The following FOXO3 variants were observed in gnomAD, a reference collection of about 807,000 sequenced individuals.
The protein encoded by FOXO3 is forkhead box O3.
In FOXO3, 4 loss-of-function variants were observed where a neutral mutation model predicts 41.9. The observed-to-expected ratio is 0.10, with a 90% CI of 0.05 to 0.22. The LOEUF (loss-of-function observed/expected upper bound fraction) is 0.22, where lower values mean the gene tolerates loss of function less well. FOXO3 is among the 10% of genes least tolerant of loss of function. The probability of loss-of-function intolerance (pLI) is 1.00; values close to 1 mark genes in which losing one functional copy is unlikely to be tolerated. For missense variants in FOXO3, 534 were observed against 906.8 expected (o/e 0.59, Z 5.28); for synonymous variants, 318 against 389.3 (o/e 0.82, Z 2.16).
chr6:108,560,577 G>C (rs1582719136), upstream of FOXO3, among the ~76,000 whole-genome samples: 1 of 152,280 alleles, frequency 6.6e-6, no homozygotes, highest in Non-Finnish European at 1.5e-5. Context: ...GGGGGGTGAC[G>C]GGGGGTCGCG....
At chr6:108,626,805 G>A (rs994150576) in intron 1 of FOXO3, among the ~76,000 whole-genome samples, 108 of 152,208 alleles carry the variant, frequency 7.1e-4, no homozygotes, top group Admixed American at 7.1e-3. Flanking sequence ...CCATTAACCA[G>A]ATACTTAAAA....
chr6:108,638,274 C>G (rs1778170386), intron 1 of FOXO3, among the ~76,000 whole-genome samples: 1 of 152,164 alleles, frequency 6.6e-6, no homozygotes, highest in Non-Finnish European at 1.5e-5. Context: ...CCTTGTGTCC[C>G]CCTTTAACCA....
intron 1 of FOXO3, among the ~76,000 whole-genome samples, chr6:108,596,349 C>A (rs1490079313): frequency 6.9e-6 from 1 of 145,346 alleles, no homozygotes; most frequent in Non-Finnish European, 1.5e-5. Context: ...CCCACTAAGT[C>A]CCATCCATGG....
chr6:108,625,249 G>A (rs188525052), intron 1 of FOXO3, among the ~76,000 whole-genome samples: 20 of 152,258 alleles, frequency 1.3e-4, no homozygotes, highest in African/African-American at 4.6e-4. Flanking sequence ...CTTAATAATT[G>A]TTATGTAGTT....
intron 2 of FOXO3, 121 bp downstream of exon 2, chr6:108,665,010 G>A: frequency 9.1e-7 from 1 of 1,097,288 alleles, no homozygotes; most frequent in Non-Finnish European, 1.3e-6. Context: ...GAGCAGTGGT[G>A]CACATAATAT....
intron 1 of FOXO3, among the ~76,000 whole-genome samples, chr6:108,614,663 A>G (rs1007121579): frequency 3.3e-5 from 5 of 150,718 alleles, no homozygotes; most frequent in Non-Finnish European, 5.9e-5. Flanking sequence ...TTTTAATCCA[A>G]TCTGACAATC....
At chr6:108,653,257 A>C (rs1351596589) in intron 1 of FOXO3, among the ~76,000 whole-genome samples, 2 of 152,136 alleles carry the variant, frequency 1.3e-5, no homozygotes, top group African/African-American at 2.4e-5. Flanking sequence ...CCCCCTTCCC[A>C]TTAATTCAAT....
chr6:108,624,789 A>C (rs1777764133), intron 1 of FOXO3, among the ~76,000 whole-genome samples: 1 of 151,942 alleles, frequency 6.6e-6, no homozygotes, highest in Admixed American at 6.6e-5. Context: ...TTTTTTTTGC[A>C]GTTGTTTAAC....
At chr6:108,644,638 T>C (rs997661392) in intron 1 of FOXO3, among the ~76,000 whole-genome samples, 1 of 152,144 alleles carries the variant, frequency 6.6e-6, no homozygotes, top group Admixed American at 6.6e-5. Flanking sequence ...ATGACTCCCA[T>C]GAGAAACTCT....
At chr6:108,637,458 G>A (rs1481596693) in intron 1 of FOXO3, among the ~76,000 whole-genome samples, 5 of 152,074 alleles carry the variant, frequency 3.3e-5, no homozygotes, top group Admixed American at 2.6e-4. Context: ...GGCAAATCTC[G>A]TTCAATAATA....
rs548436650 is a variant in FOXO3 at position 108,682,865 on chromosome 6, T to C, written c.*3073T>C. The C allele has an allele frequency of 1.3e-5, 2 of 152,816 alleles. No homozygotes were observed. Among genetic ancestry groups the C allele is most frequent in the East Asian group, 3.9e-4 (2 of 5,190 alleles). 9.5% of individuals were successfully genotyped at this position (152,816 alleles called of 1,614,324 possible). A position where few individuals can be genotyped will look rare whatever the true frequency, so the allele number is the denominator to read the frequency against. ...AAATAAGCTGCTCTAGGGAGCCGCC[T>C]ACTTTTTGATGAGAAATTAGAAGAG... On this transcript the variant is annotated 3_prime_UTR_variant, in exon 3 of 3. Transcript: ENST00000406360.
chr6:108,667,980 T>C (rs1246270899), intron 2 of FOXO3, among the ~76,000 whole-genome samples: 1 of 152,192 alleles, frequency 6.6e-6, no homozygotes, highest in Admixed American at 6.5e-5. Context: ...ATTTTTTACT[T>C]TAAAACTTAA....
chr6:108,610,841 AC>A (rs1289751117), intron 1 of FOXO3, among the ~76,000 whole-genome samples: 30 of 152,212 alleles, frequency 2.0e-4, no homozygotes, highest in African/African-American at 6.8e-4. Flanking sequence ...TTTGAAAATT[AC>A]CTGTGGAAAA....
rs746145691 is a variant in FOXO3 at position 108,664,261 on chromosome 6, G to T, written c.1428G>T (p.Ser476=). ...GNQTLQDLLT[S]DSLSHSDVMM... ...AGACACTCCAGGACCTGCTCACTTCGGACTCACTTAGCCACAGCGATGTCA... is the reference window on the plus strand; with the variant it reads ...AGACACTCCAGGACCTGCTCACTTCTGACTCACTTAGCCACAGCGATGTCA... Residue 476 remains serine, a synonymous_variant, in exon 2 of 3, where the codon TCG becomes TCT. Transcript: ENST00000406360. 1.9e-6 allele frequency: 3 copies of T among 1,607,044 alleles called. No individual in the cohort carries two copies. The highest frequency in any genetic ancestry group is 1.7e-6 in the Non-Finnish European group (2 of 1,174,612).
intron 1 of FOXO3, among the ~76,000 whole-genome samples, chr6:108,581,384 G>A (rs1361973770): frequency 1.3e-5 from 2 of 152,182 alleles, no homozygotes; most frequent in African/African-American, 4.8e-5. Context: ...GAGGGTTGTA[G>A]TTGTGTGATT....
chr6:108,603,752 C>A (rs551387641), intron 1 of FOXO3, among the ~76,000 whole-genome samples: 1 of 152,080 alleles, frequency 6.6e-6, no homozygotes, highest in Non-Finnish European at 1.5e-5. Context: ...TCCTGGACAG[C>A]CTTTCCCAAA....
At chr6:108,594,531 C>G (rs558031202) in intron 1 of FOXO3, among the ~76,000 whole-genome samples, 3 of 152,182 alleles carry the variant, frequency 2.0e-5, no homozygotes, top group African/African-American at 4.8e-5. Flanking sequence ...TTCCCTCCTT[C>G]CCTGCCTCAG....
intron 1 of FOXO3, among the ~76,000 whole-genome samples, chr6:108,656,969 T>C (rs1447390522): frequency 1.3e-5 from 2 of 152,240 alleles, no homozygotes; most frequent in African/African-American, 2.4e-5. Flanking sequence ...AAGGAATCTC[T>C]AGGCAGCAGG....
rs768164984 is a variant in FOXO3, at chr6:108,664,880, G to T, written c.*25G>T. 1.9e-5 allele frequency: 30 copies of T among 1,598,126 alleles called. No homozygotes were observed. The highest frequency in any genetic ancestry group is 2.6e-5 in the Non-Finnish European group (30 of 1,171,636). On this transcript the variant is annotated 3_prime_UTR_variant, in exon 2 of 3. Transcript: ENST00000406360. ...AAGGATCACTGAGGAAGGGGAAGTGGGCAAAGCAGGTCAGTGCCGAATGCT... is the reference window on the plus strand; with the variant it reads ...AAGGATCACTGAGGAAGGGGAAGTGTGCAAAGCAGGTCAGTGCCGAATGCT...
Sources: allele counts gnomAD v4.1 joint callset (sites outside exome capture counted in the v4.1 genomes callset), GRCh38; gene constraint gnomAD v4.1.1; transcripts MANE v1.5; gene names NCBI Gene and HGNC (gene_info 2026-07-23, HGNC 2026-07-21).